The following DNA2 variants were observed in gnomAD, a reference collection of about 807,000 sequenced individuals.
DNA2 encodes DNA replication ATP-dependent helicase/nuclease DNA2.
In DNA2, 101 loss-of-function variants were observed where a neutral mutation model predicts 119.1. The observed-to-expected ratio is 0.85, with a 90% CI of 0.72 to 1.00. The LOEUF is 1.00. Among genes scored for constraint, DNA2 ranks in the 50% least tolerant of loss-of-function variants. The probability of loss-of-function intolerance (pLI) is 0.00; values close to 1 mark genes in which losing one functional copy is unlikely to be tolerated. For missense variants in DNA2, 1,121 were observed against 1,255.5 expected, an observed-to-expected ratio of 0.89 and a Z score of 1.62; for synonymous variants, 366 against 424.4, an observed-to-expected ratio of 0.86 and a Z score of 1.69.
chr10:68,467,577 G>A (rs1226546819), intron 3 of DNA2, among the ~76,000 whole-genome samples: 1 of 152,084 alleles, frequency 6.6e-6, no homozygotes, highest in Non-Finnish European at 1.5e-5. Flanking sequence ...TTGACACAGA[G>A]TCTTGCTCTG....
chr10:68,461,149 A>G (rs558907053), intron 4 of DNA2, among the ~76,000 whole-genome samples: 1 of 152,334 alleles, frequency 6.6e-6, no homozygotes, highest in Admixed American at 6.5e-5. Flanking sequence ...AGTATATAGG[A>G]ATGTTAACTT....
At chr10:68,424,574 C>T in intron 14 of DNA2, 1 of 999,348 alleles carries the variant, frequency 1.0e-6, no homozygotes, top group Non-Finnish European at 1.6e-6. Flanking sequence ...AGTTCAATCC[C>T]TTCGTGAACT....
chr10:68,463,988 C>T (rs978729492), intron 4 of DNA2, among the ~76,000 whole-genome samples: 4 of 152,148 alleles, frequency 2.6e-5, no homozygotes, highest in Middle Eastern at 3.2e-3. Context: ...GCTGAAATTC[C>T]TCAAGCCAGA....
At chr10:68,417,060 A>G (rs1213953799) in intron 19 of DNA2, among the ~76,000 whole-genome samples, 3 of 152,116 alleles carry the variant, frequency 2.0e-5, no homozygotes, top group Non-Finnish European at 4.4e-5. Context: ...CCCGTGCAAC[A>G]CAGTGAGACC....
intron 5 of DNA2, among the ~76,000 whole-genome samples, chr10:68,451,144 G>A (rs1354796676): frequency 6.7e-6 from 1 of 148,704 alleles, no homozygotes; most frequent in Non-Finnish European, 1.5e-5. Context: ...CATCTATGAA[G>A]TCTGGGGCTC....
chr10:68,426,379 A>C (rs2051741165), intron 14 of DNA2, among the ~76,000 whole-genome samples: 1 of 151,682 alleles, frequency 6.6e-6, no homozygotes, highest in African/African-American at 2.4e-5. Flanking sequence ...CTCTATTAAA[A>C]ATACAAAAAT....
chr10:68,431,210 CAA>C (rs35710729), intron 13 of DNA2, among the ~76,000 whole-genome samples: 1 of 78,664 alleles, frequency 1.3e-5, no homozygotes. Flanking sequence ...GACTCCATCT[CAA>C]AAAAAAAAAA....
intron 4 of DNA2, among the ~76,000 whole-genome samples, chr10:68,465,164 G>A (rs560266472): frequency 2.6e-4 from 39 of 151,834 alleles, no homozygotes; most frequent in Admixed American, 1.4e-3. Flanking sequence ...GACTACAGGC[G>A]CCTGCCACCA....
In DNA2 at chr10:68,437,474, T is replaced by TAAA. The variant is rs764493127; in HGVS notation, c.1416-236_1416-234dup. 0.038 allele frequency among the ~76,000 whole-genome samples: 5,269 copies of TAAA among 140,460 alleles called. 111 individuals carry two copies. Among genetic ancestry groups the TAAA allele is most frequent in the Non-Finnish European group, 0.047 (3,114 of 66,016 alleles). The allele number at this position is 140,460 out of a possible 152,430, so 92.1% of individuals were successfully genotyped here. A position where few individuals can be genotyped will look rare whatever the true frequency, so the allele number is the denominator to read the frequency against. ...AACATGGTGAAAACCCTATCTCTAC[T>TAAA]AAAAAAAAAAAAATAAAAATAAAAA... On this transcript the variant is annotated intron_variant, in intron 9 of 20. Coordinates refer to ENST00000358410, the MANE Select transcript of DNA2 (RefSeq NM_001080449.3).
intron 10 of DNA2, among the ~76,000 whole-genome samples, chr10:68,433,593 G>C (rs1445677338): frequency 6.6e-6 from 1 of 152,106 alleles, no homozygotes; most frequent in East Asian, 1.9e-4. Context: ...GCAGTGGCAT[G>C]ATCATGGCTC....
chr10:68,456,948 C>T (rs900367902), intron 5 of DNA2, among the ~76,000 whole-genome samples: 13 of 151,548 alleles, frequency 8.6e-5, no homozygotes, highest in Admixed American at 8.6e-4. Context: ...TCCTGGCTAA[C>T]ACGGTGAAAC....
intron 13 of DNA2, 30 bp downstream of exon 13, chr10:68,431,832 T>A (rs1442805337): frequency 2.8e-6 from 4 of 1,444,040 alleles, no homozygotes; most frequent in East Asian, 4.5e-5. Flanking sequence ...ACAAATATTT[T>A]GTCTCTAAGC....
At chr10:68,426,518 A>G (rs1364430948) in intron 14 of DNA2, among the ~76,000 whole-genome samples, 1 of 151,596 alleles carries the variant, frequency 6.6e-6, no homozygotes, top group African/African-American at 2.4e-5. Flanking sequence ...AGCCTGGGTG[A>G]CACAGTGAGA....
At chr10:68,463,581 G>A (rs989653675) in intron 4 of DNA2, among the ~76,000 whole-genome samples, 1 of 150,448 alleles carries the variant, frequency 6.6e-6, no homozygotes, top group South Asian at 2.1e-4. Flanking sequence ...TGAGGCAGGA[G>A]AATGGCGTGA....
rs770917094 is a variant in DNA2, at chr10:68,430,677, G to T, written c.1984-17C>A. Reference sequence around the variant, plus strand: ...AATTCTTACCTAATAATGGGTAAGAGAAAAAAGAAAAAACAGCCTTACTTT... The same window carrying T: ...AATTCTTACCTAATAATGGGTAAGATAAAAAAGAAAAAACAGCCTTACTTT... On this transcript the variant is annotated splice_polypyrimidine_tract_variant and intron_variant, in intron 13 of 20. Transcript: ENST00000358410. The T allele has an allele frequency of 1.4e-6, 2 of 1,475,302 alleles. No individual in the cohort carries two copies. The highest frequency in any genetic ancestry group is 3.5e-4 in the Middle Eastern group (2 of 5,656). The allele number at this position is 1,475,302 out of a possible 1,614,324, so 91.4% of individuals were successfully genotyped here.
chr10:68,464,318 G>A (rs10998201), intron 4 of DNA2, among the ~76,000 whole-genome samples: 3,059 of 151,622 alleles, frequency 0.02, 45 homozygotes, highest in Non-Finnish European at 0.032. Context: ...TACAAAACCA[G>A]CCTGGCCAAC....
chr10:68,425,578 T>A (rs2051729437), intron 14 of DNA2, among the ~76,000 whole-genome samples: 1 of 151,626 alleles, frequency 6.6e-6, no homozygotes, highest in Non-Finnish European at 1.5e-5. Context: ...ATTTGTTGTA[T>A]TTTTAGTAGA....
intron 14 of DNA2, among the ~76,000 whole-genome samples, chr10:68,425,906 G>T (rs376323066): frequency 6.6e-6 from 1 of 151,474 alleles, no homozygotes; most frequent in Non-Finnish European, 1.5e-5. Context: ...AGGGCAAGAT[G>T]GGTGAATCAC....
intron 8 of DNA2, among the ~76,000 whole-genome samples, chr10:68,444,567 A>C (rs1246469747): frequency 6.6e-6 from 1 of 151,794 alleles, no homozygotes; most frequent in African/African-American, 2.4e-5. Context: ...TCTACTAAAA[A>C]TACAAAATTA....
Sources: gnomAD v4.1 joint callset for allele counts (sites outside exome capture counted in the v4.1 genomes callset) on GRCh38, gnomAD v4.1.1 for gene constraint, MANE v1.5 for transcripts, NCBI Gene and HGNC (gene_info 2026-07-23, HGNC 2026-07-21) for gene names.